The following SHISAL1 variants were observed in gnomAD, a reference collection of about 807,000 sequenced individuals.
The protein encoded by SHISAL1 is protein shisa-like-1.
SHISAL1 carries 9 observed loss-of-function variants against 22.6 expected under a neutral mutation model. The ratio of observed to expected loss-of-function variants is 0.40; its 90% CI spans 0.24 to 0.70. The LOEUF is 0.70. Ranked by LOEUF, SHISAL1 falls within the 30% of genes least tolerant of loss-of-function variation. The pLI is 0.39. For missense variants in SHISAL1, 246 were observed against 270.6 expected, an observed-to-expected ratio of 0.91 and a Z score of 0.64; for synonymous variants, 119 against 115.4, an observed-to-expected ratio of 1.03 and a Z score of -0.20.
chr22:44,288,816 T>G (rs1334329420), intron 3 of SHISAL1, among the ~76,000 whole-genome samples: 2 of 152,188 alleles, frequency 1.3e-5, no homozygotes, highest in Non-Finnish European at 2.9e-5. Context: ...AAGCCTTCCT[T>G]GTCAGTCCAA....
At chr22:44,278,949 C>G (rs1195858263) in intron 4 of SHISAL1, among the ~76,000 whole-genome samples, 1 of 152,036 alleles carries the variant, frequency 6.6e-6, no homozygotes, top group Admixed American at 6.6e-5. Context: ...CCCTCGGGAC[C>G]TCTCATCACC....
chr22:44,317,235 G>A (rs1719234545), upstream of SHISAL1, among the ~76,000 whole-genome samples: 1 of 152,180 alleles, frequency 6.6e-6, no homozygotes. Context: ...CCGAGAGCCG[G>A]GCCAGGATGG....
chr22:44,290,538 A>C (rs1446182429), intron 3 of SHISAL1, among the ~76,000 whole-genome samples: 14 of 150,560 alleles, frequency 9.3e-5, no homozygotes, highest in East Asian at 1.9e-4. Flanking sequence ...TCAAAAAAAA[A>C]AAAAAACAAA....
At chr22:44,328,571 C>T in the SHISAL1 span, among the ~76,000 whole-genome samples, 1 of 152,144 alleles carries the variant, frequency 6.6e-6, no homozygotes, top group African/African-American at 2.4e-5. Context: ...CCCCAACCCG[C>T]CCCAGAAGCC....
the SHISAL1 span, among the ~76,000 whole-genome samples, chr22:44,326,508 G>A: frequency 6.6e-6 from 1 of 152,112 alleles, no homozygotes; most frequent in Admixed American, 6.5e-5. Flanking sequence ...CCAGGGAAGT[G>A]TGACCAAAAA....
chr22:44,269,528 TAC>T (rs35541354), intron 4 of SHISAL1, among the ~76,000 whole-genome samples: 85,692 of 143,088 alleles, frequency 0.6, 25,365 homozygotes, highest in Non-Finnish European at 0.65. Context: ...CCACACAATA[TAC>T]ACACACACCA....
Position 44,275,348 on chromosome 22 carries a change from C to G in SHISAL1, c.599+10080G>C, listed in dbSNP as rs1230436666. 2.0e-5 allele frequency among the ~76,000 whole-genome samples: 3 copies of G among 152,228 alleles called. No individual in the cohort carries two copies. In the East Asian group the frequency reaches 5.8e-4, roughly 29 times the overall value. ...AGCACACACCAAGCTGGCACCATCA[C>G]CTCAATTAAACCCCTGCCTGGCAGC... On this transcript the variant is annotated intron_variant, in intron 4 of 4. Coordinates refer to ENST00000381176, the MANE Select transcript of SHISAL1 (RefSeq NM_001099294.2).
chr22:44,269,136 A>C (rs556785174), intron 4 of SHISAL1, among the ~76,000 whole-genome samples: 8 of 151,836 alleles, frequency 5.3e-5, no homozygotes, highest in Admixed American at 5.2e-4. Context: ...CCCACAATAC[A>C]CATAAACACA....
intron 1 of SHISAL1, among the ~76,000 whole-genome samples, chr22:44,311,529 C>T (rs998390000): frequency 1.2e-4 from 19 of 152,328 alleles, no homozygotes; most frequent in Admixed American, 3.9e-4. Flanking sequence ...CCTTTTGAGC[C>T]CCTGGCCTGG....
At chr22:44,292,981 T>C (rs1459248906) in intron 3 of SHISAL1, among the ~76,000 whole-genome samples, 1 of 152,220 alleles carries the variant, frequency 6.6e-6, no homozygotes, top group African/African-American at 2.4e-5. Context: ...CCAGGGACGC[T>C]TGATGGCCTC....
chr22:44,299,802 A>G (rs754937171), intron 2 of SHISAL1, among the ~76,000 whole-genome samples: 1 of 152,070 alleles, frequency 6.6e-6, no homozygotes, highest in Non-Finnish European at 1.5e-5. Flanking sequence ...ATAGAAAAAG[A>G]CAGAGGCAGA....
At chr22:44,282,809 G>A (rs1056740768) in intron 4 of SHISAL1, among the ~76,000 whole-genome samples, 1 of 152,204 alleles carries the variant, frequency 6.6e-6, no homozygotes, top group African/African-American at 2.4e-5. Flanking sequence ...CTCCTTGCCT[G>A]GACATTCTCC....
upstream of SHISAL1, among the ~76,000 whole-genome samples, chr22:44,313,413 G>A (rs1348499383): frequency 6.6e-6 from 1 of 152,208 alleles, no homozygotes; most frequent in Admixed American, 6.5e-5. Flanking sequence ...TGGGACCCGA[G>A]AGCCCACAGA....
At chr22:44,281,991 C>T (rs2147287936) in intron 4 of SHISAL1, among the ~76,000 whole-genome samples, 1 of 152,328 alleles carries the variant, frequency 6.6e-6, no homozygotes, top group South Asian at 2.1e-4. Flanking sequence ...AGGAAAATCA[C>T]ATTTCTTATG....
rs1405538968 is a variant in SHISAL1 at position 44,305,154 on chromosome 22, C to T, written c.-32-4177G>A. Among the ~76,000 whole-genome samples, 6 of 152,342 alleles carry T rather than the reference C, an allele frequency of 3.9e-5. No homozygotes were observed. The East Asian group carries it at 5.8e-4, about 15-fold the overall frequency. On this transcript the variant is annotated intron_variant, in intron 1 of 4. Coordinates refer to ENST00000381176, the MANE Select transcript of SHISAL1 (RefSeq NM_001099294.2). ...TTTTATCAGCTGGAAAAAGTTTGCC[C>T]CTCCACTGAGGCCTATAGTATTCCA...
chr22:44,322,977 CCCACCCATTCATCCATCCAT>C, the SHISAL1 span, among the ~76,000 whole-genome samples: 2,950 of 150,644 alleles, frequency 0.02, 62 homozygotes, highest in East Asian at 0.076. Context: ...ACCAACCTCA[CCCACCCATTCATCCATCCAT>C]CCACCCATTC....
In SHISAL1 at chr22:44,296,711, T is replaced by C. The variant is rs761732231; in HGVS notation, c.242A>G (p.Gln81Arg). The change falls in exon 3 of 5, where the codon CAG becomes CGG. Residue 81 changes from glutamine (Q) to arginine (R), a missense_variant. Physicochemically the swap from Gln to Arg is conservative, Grantham distance 43. Coordinates refer to ENST00000381176, the MANE Select transcript of SHISAL1 (RefSeq NM_001099294.2). ...CTCGGAGCTGGCCGTGAGGTTCGCCTGCATCACCGCCTGGAACTCCGTCTC... is the reference window on the plus strand; with the variant it reads ...CTCGGAGCTGGCCGTGAGGTTCGCCCGCATCACCGCCTGGAACTCCGTCTC... ...CNETEFQAVM[Q>R]ANLTASSEGY... The C allele has an allele frequency of 1.9e-6, 3 of 1,613,958 alleles. No individual in the cohort carries two copies. The highest frequency in any genetic ancestry group is 1.7e-6 in the Non-Finnish European group (2 of 1,180,042).
intron 2 of SHISAL1, among the ~76,000 whole-genome samples, chr22:44,300,662 G>A (rs754914442): frequency 1.1e-4 from 16 of 151,226 alleles, no homozygotes; most frequent in Admixed American, 3.3e-4. Flanking sequence ...CCAGGGCTGC[G>A]GTGCACAGTA....
chr22:44,296,522 G>C (rs2055387032), intron 3 of SHISAL1, 150 bp downstream of exon 3: 3 of 660,132 alleles, frequency 4.5e-6, no homozygotes, highest in Non-Finnish European at 7.9e-6. Context: ...CGAAAACCCT[G>C]GTCATCCAAA....
Sources: gnomAD v4.1 joint callset for allele counts (sites outside exome capture counted in the v4.1 genomes callset) on GRCh38, gnomAD v4.1.1 for gene constraint, MANE v1.5 for transcripts, NCBI Gene and HGNC (gene_info 2026-07-23, HGNC 2026-07-21) for gene names.